The following SNED1 variants were observed in gnomAD, a reference collection of about 807,000 sequenced individuals.
The protein encoded by SNED1 is sushi, nidogen and EGF-like domain-containing protein 1.
SNED1 carries 81 observed loss-of-function variants against 166.7 expected under a neutral mutation model. That is an observed-to-expected ratio of 0.49 (90% CI 0.41 to 0.58). SNED1 has a LOEUF of 0.58. Ranked by LOEUF, SNED1 falls within the 20% of genes least tolerant of loss-of-function variation. SNED1 has a pLI of 0.00. For missense variants in SNED1, 1,604 were observed against 2,000.2 expected (o/e 0.80, Z 3.78); for synonymous variants, 762 against 822.0 (o/e 0.93, Z 1.25).
rs759850715 is a variant in SNED1, at chr2:241,069,010, G to A, written c.3294G>A (p.Thr1098=). ...HPTESLATAP[T]HVWTRPLPPA... ...CAGAGAGCCTGGCCACCGCGCCGACGCACGTGTGGACCCGTGAGTAGAGCA... is the reference window on the plus strand; with the variant it reads ...CAGAGAGCCTGGCCACCGCGCCGACACACGTGTGGACCCGTGAGTAGAGCA... Residue 1098 remains threonine (T), a synonymous_variant, in exon 23 of 32, where the codon ACG becomes ACA. Transcript: ENST00000310397. The surrounding 1 kb of genome is among the most constrained non-coding windows in gnomAD (Gnocchi z 4.9). 34 of 1,551,180 alleles carry A rather than the reference G, an allele frequency of 2.2e-5. No homozygotes were observed. Among genetic ancestry groups the A allele is most frequent in the Middle Eastern group, 3.3e-4 (2 of 6,004 alleles).
At position 241,091,134 on chromosome 2, in the gene SNED1, T is replaced by C. The variant is rs2063947871; in HGVS notation, c.*2-504T>C. ...CAGAAACCCCCAACTAATTATCAAATACTGACTTATAGAATACCTATTCTT... is the reference window on the plus strand; with the variant it reads ...CAGAAACCCCCAACTAATTATCAAACACTGACTTATAGAATACCTATTCTT... On this transcript the variant is annotated intron_variant, in intron 31 of 31. Transcript: ENST00000310397. The surrounding 1 kb of genome is among the most constrained non-coding windows in gnomAD (Gnocchi z 4.1). Among the ~76,000 whole-genome samples, 1 of 144,704 alleles carries C rather than the reference T, an allele frequency of 6.9e-6. No individual in the cohort carries two copies. Among genetic ancestry groups the C allele is most frequent in the South Asian group, 2.1e-4 (1 of 4,706 alleles). 94.9% of individuals were successfully genotyped at this position (144,704 alleles called of 152,430 possible).
intron 29 of SNED1, among the ~76,000 whole-genome samples, chr2:241,083,936 G>C (rs1419842424): frequency 1.5e-5 from 2 of 131,198 alleles, no homozygotes; most frequent in African/African-American, 3.1e-5. Context: ...CCTGCTTTTT[G>C]TTCCTTTTTT....
At chr2:241,071,459 C>A in intron 24 of SNED1, 117 bp from the exon 25 acceptor site, 4 of 1,230,016 alleles carry the variant, frequency 3.3e-6, no homozygotes, top group South Asian at 2.7e-5. Flanking sequence ...CACGCACATG[C>A]CCCCCTTCCC....
chr2:241,060,004 A>G (rs1311696918), intron 16 of SNED1, among the ~76,000 whole-genome samples: 1 of 152,208 alleles, frequency 6.6e-6, no homozygotes. Context: ...ATTCTACAAA[A>G]GAAGCTATAG....
chr2:241,049,983 C>T (rs753785700), intron 12 of SNED1, 50 bp downstream of exon 12: 1 of 1,325,556 alleles, frequency 7.5e-7, no homozygotes, highest in South Asian at 1.2e-5. Flanking sequence ...TGGAGAGCGC[C>T]CGCGGTCCGC....
At chr2:241,019,944 CAGTA>C (rs1213757355) in intron 1 of SNED1, among the ~76,000 whole-genome samples, 1 of 152,170 alleles carries the variant, frequency 6.6e-6, no homozygotes, top group Non-Finnish European at 1.5e-5. Context: ...CAGCCGTAGA[CAGTA>C]AGTACGTGAG....
At chr2:241,054,974 G>A (rs978304066) in intron 16 of SNED1, among the ~76,000 whole-genome samples, 10 of 151,864 alleles carry the variant, frequency 6.6e-5, no homozygotes, top group African/African-American at 1.5e-4. Flanking sequence ...AAAACTAGCC[G>A]GGTGTGGTGG....
chr2:241,090,384 C>T (rs531361650), intron 31 of SNED1: 3 of 1,550,190 alleles, frequency 1.9e-6, no homozygotes, highest in Admixed American at 2.0e-5. Flanking sequence ...TTCTGGAAAC[C>T]TCCTGAAGGA....
At chr2:241,070,402 G>A (rs2062648442) in intron 24 of SNED1, among the ~76,000 whole-genome samples, 1 of 152,238 alleles carries the variant, frequency 6.6e-6, no homozygotes. Context: ...ATGGGCAGGT[G>A]GCACCAACAA....
At chr2:241,077,992 T>C (rs988604669) in intron 27 of SNED1, among the ~76,000 whole-genome samples, 1 of 151,462 alleles carries the variant, frequency 6.6e-6, no homozygotes, top group Non-Finnish European at 1.5e-5. Flanking sequence ...CCAAGAGAAA[T>C]GAAAACCTAT....
At chr2:241,071,921 C>G in intron 26 of SNED1, 43 bp downstream of exon 26, 1 of 1,449,420 alleles carries the variant, frequency 6.9e-7, no homozygotes, top group Non-Finnish European at 9.5e-7. Context: ...GGCCCACCCT[C>G]GTCCTCACTG....
chr2:241,049,028 C>T lies in SNED1; in HGVS notation c.1511C>T (p.Thr504Ile). 1 of 1,611,736 alleles carries T rather than the reference C, an allele frequency of 6.2e-7. No homozygotes were observed. The highest frequency in any genetic ancestry group is 1.3e-5 in the African/African-American group (1 of 75,004). The part of the protein sequence containing the change: ...FFGLLCEFEI[T>I]AMPCNMNTQC... Reference sequence around the variant, plus strand: ...CTTCCTCCTTTCTCTCTAGAAATCACAGCCATGCCCTGCAACATGAACACA... The same window carrying T: ...CTTCCTCCTTTCTCTCTAGAAATCATAGCCATGCCCTGCAACATGAACACA... The change falls in exon 11 of 32, where the codon ACA becomes ATA. Residue 504 changes from threonine (T) to isoleucine (I), a missense_variant. Thr to Ile is a moderately conservative substitution (Grantham distance 89). Coordinates refer to ENST00000310397, the MANE Select transcript of SNED1 (RefSeq NM_001080437.3).
chr2:241,063,906 T>A, intron 18 of SNED1, 106 bp from the exon 19 acceptor site: 1 of 912,332 alleles, frequency 1.1e-6, no homozygotes, highest in African/African-American at 1.6e-5. Context: ...CCCTCTCTCC[T>A]GGCCTCCGCC....
intron 8 of SNED1, among the ~76,000 whole-genome samples, chr2:241,042,982 G>A (rs922063833): frequency 2.1e-4 from 32 of 152,114 alleles, no homozygotes; most frequent in East Asian, 1.9e-4. Flanking sequence ...ATGAAGAACA[G>A]TATCAAGCAG....
chr2:241,057,336 G>A lies in SNED1; in HGVS notation c.2257+4010G>A, dbSNP rs948888438. Among the ~76,000 whole-genome samples, 11 of 149,212 alleles carry A rather than the reference G, an allele frequency of 7.4e-5. No individual in the cohort carries two copies. In the South Asian group the frequency reaches 1.3e-3, roughly 17 times the overall value. On this transcript the variant is annotated intron_variant, in intron 16 of 31. Coordinates refer to ENST00000310397, the MANE Select transcript of SNED1 (RefSeq NM_001080437.3). ...GGAGGTTGCAATGAGCCGAGATTGC[G>A]CCATTGCACTCCAGCCTGGGCGACG...
intron 28 of SNED1, 59 bp from the exon 29 acceptor site, chr2:241,082,216 CAA>C (rs2063361842): frequency 7.1e-7 from 1 of 1,408,114 alleles, no homozygotes; most frequent in Non-Finnish European, 1.0e-6. Flanking sequence ...CAAGGCCTCT[CAA>C]GAGGGGCAGG....
chr2:241,051,830 TA>T lies in SNED1; in HGVS notation c.1823del (p.Tyr608SerfsTer49). On this transcript the variant is annotated frameshift_variant, in exon 13 of 32. Transcript: ENST00000310397. LOFTEE classifies it high-confidence loss of function. This position sits in a 1 kb window ranked among gnomAD's most constrained non-coding sequence, Gnocchi z 4.7. ...AGGEYHCSCPYRFTGRHCEIG... is the reference protein window; with the variant it reads ...AGGEYHCSCPXRFTGRHCEIG... The stretch of plus-strand genomic sequence containing the variant: ...CGGCGAGTACCACTGCAGCTGCCCC[TA>T]CCGCTTCACTGGGAGGCACTGTGAG... 1 of 1,561,590 alleles carries T rather than the reference TA, an allele frequency of 6.4e-7. No homozygotes were observed. The highest frequency in any genetic ancestry group is 1.2e-5 in the South Asian group (1 of 84,396).
chr2:241,055,792 T>C (rs2062023772), intron 16 of SNED1, among the ~76,000 whole-genome samples: 2 of 152,152 alleles, frequency 1.3e-5, no homozygotes, highest in South Asian at 4.1e-4. Flanking sequence ...CAGAGATAGA[T>C]TTCATAGTCT....
At chr2:241,087,665 A>G in intron 30 of SNED1, 190 bp downstream of exon 30, 1 of 1,382,638 alleles carries the variant, frequency 7.2e-7, no homozygotes, top group East Asian at 2.7e-5. Flanking sequence ...ATGTGAGCAT[A>G]CCCAGAGGGG....
Sources: gnomAD v4.1 joint callset for allele counts (sites outside exome capture counted in the v4.1 genomes callset) on GRCh38, gnomAD v4.1.1 for gene constraint, Gnocchi (gnomAD v3.1) non-coding constraint, MANE v1.5 for transcripts, NCBI Gene and HGNC (gene_info 2026-07-23, HGNC 2026-07-21) for gene names.